CACNA2D3: variants seen among roughly 807,000 people sequenced by gnomAD.
The protein encoded by CACNA2D3 is calcium voltage-gated channel auxiliary subunit alpha2delta 3, also known as voltage-dependent calcium channel subunit alpha-2/delta-3.
In CACNA2D3, 60 loss-of-function variants were observed where a neutral mutation model predicts 160.6. The observed-to-expected ratio is 0.37, with a 90% CI of 0.30 to 0.46. The LOEUF is 0.46. Among genes scored for constraint, CACNA2D3 ranks in the 20% least tolerant of loss-of-function variants. The pLI is 1.00. For synonymous variants in CACNA2D3, 558 were observed against 492.9 expected, an observed-to-expected ratio of 1.13 and a Z score of -1.75; for missense variants, 1,205 against 1,365.0, an observed-to-expected ratio of 0.88 and a Z score of 1.85.
At chr3:54,835,090 A>G (rs1575502731) in intron 14 of CACNA2D3, among the ~76,000 whole-genome samples, 1 of 152,352 alleles carries the variant, frequency 6.6e-6, no homozygotes, top group Middle Eastern at 3.4e-3. Context: ...AAGTTGACAC[A>G]TAAAATTAAC....
At chr3:54,306,056 G>C (rs1432113031) in intron 2 of CACNA2D3, among the ~76,000 whole-genome samples, 1 of 150,994 alleles carries the variant, frequency 6.6e-6, no homozygotes, top group African/African-American at 2.5e-5. Context: ...TGAAAACTGA[G>C]TTTTAATATA....
chr3:54,295,302 T>C (rs571792904), intron 2 of CACNA2D3, among the ~76,000 whole-genome samples: 3 of 152,168 alleles, frequency 2.0e-5, no homozygotes, highest in Non-Finnish European at 2.9e-5. Flanking sequence ...GCTTTCCAGA[T>C]ACCATGAACT....
chr3:54,208,122 T>C (rs1467024652), intron 2 of CACNA2D3, among the ~76,000 whole-genome samples: 1 of 152,212 alleles, frequency 6.6e-6, no homozygotes, highest in East Asian at 1.9e-4. Flanking sequence ...CCTTTCTTTT[T>C]GAGATGGAGT....
intron 9 of CACNA2D3, among the ~76,000 whole-genome samples, chr3:54,627,165 A>G (rs1428481048): frequency 6.6e-6 from 1 of 152,240 alleles, no homozygotes; most frequent in Non-Finnish European, 1.5e-5. Context: ...ATGAAGACAG[A>G]GTAATGCCGT....
intron 11 of CACNA2D3, among the ~76,000 whole-genome samples, chr3:54,676,114 C>T (rs1040029646): frequency 1.3e-5 from 2 of 152,196 alleles, no homozygotes; most frequent in Non-Finnish European, 2.9e-5. Context: ...GTAACATCAA[C>T]CACGCACAGT....
chr3:54,983,419 G>C (rs1258518885), intron 29 of CACNA2D3, among the ~76,000 whole-genome samples: 2 of 152,182 alleles, frequency 1.3e-5, no homozygotes. Context: ...AATGGAGAAA[G>C]CTTATCAAGA....
At chr3:54,793,004 A>C (rs1261671026) in intron 13 of CACNA2D3, among the ~76,000 whole-genome samples, 1 of 152,228 alleles carries the variant, frequency 6.6e-6, no homozygotes, top group Non-Finnish European at 1.5e-5. Context: ...TATGAGCCTA[A>C]GCAAAACCTG....
At chr3:54,735,722 G>T (rs940639468) in intron 11 of CACNA2D3, among the ~76,000 whole-genome samples, 1 of 151,768 alleles carries the variant, frequency 6.6e-6, no homozygotes, top group Admixed American at 6.6e-5. Context: ...TGGGGATTGG[G>T]TCACCATTAT....
At chr3:54,338,562 C>G (rs981201043) in intron 3 of CACNA2D3, among the ~76,000 whole-genome samples, 2 of 149,386 alleles carry the variant, frequency 1.3e-5, no homozygotes, top group Non-Finnish European at 3.0e-5. Context: ...GAGAATGACA[C>G]CTGTCTTCAG....
chr3:55,045,773 T>C (rs1575450013), intron 35 of CACNA2D3, among the ~76,000 whole-genome samples: 1 of 150,666 alleles, frequency 6.6e-6, no homozygotes, highest in Non-Finnish European at 1.5e-5. Context: ...TTAGTTTATG[T>C]CTTTTCTCTT....
At chr3:54,350,903 T>A in intron 3 of CACNA2D3, among the ~76,000 whole-genome samples, 1 of 151,288 alleles carries the variant, frequency 6.6e-6, no homozygotes. Flanking sequence ...GGTAAGGGCA[T>A]ACAGAAGCTG....
At chr3:54,141,586 C>T (rs1016736149) in intron 2 of CACNA2D3, among the ~76,000 whole-genome samples, 6 of 152,126 alleles carry the variant, frequency 3.9e-5, no homozygotes, top group African/African-American at 1.4e-4. Context: ...AAAAAGTCCT[C>T]GAACTCAGCC....
intron 3 of CACNA2D3, among the ~76,000 whole-genome samples, chr3:54,356,784 T>C (rs1698656362): frequency 6.6e-6 from 1 of 152,186 alleles, no homozygotes; most frequent in African/African-American, 2.4e-5. Flanking sequence ...TTTTAAAAAT[T>C]TGCATTCCTC....
intron 25 of CACNA2D3, among the ~76,000 whole-genome samples, chr3:54,891,964 G>A (rs1700080512): frequency 5.9e-5 from 9 of 152,160 alleles, no homozygotes; most frequent in Admixed American, 5.9e-4. Context: ...GGATGCTGGG[G>A]TTTGACAGTG....
intron 2 of CACNA2D3, among the ~76,000 whole-genome samples, chr3:54,214,585 A>T (rs948244764): frequency 6.6e-6 from 1 of 152,078 alleles, no homozygotes; most frequent in East Asian, 1.9e-4. Flanking sequence ...TTTGCTGTAG[A>T]TTGCATGAGG....
intron 11 of CACNA2D3, among the ~76,000 whole-genome samples, chr3:54,716,881 G>A (rs1044099474): frequency 1.3e-5 from 2 of 149,200 alleles, no homozygotes; most frequent in Admixed American, 6.7e-5. Flanking sequence ...AAATGCATGT[G>A]ATAAGGGACG....
intron 35 of CACNA2D3, among the ~76,000 whole-genome samples, chr3:55,033,716 T>C (rs987460727): frequency 2.3e-5 from 3 of 127,910 alleles, no homozygotes; most frequent in Non-Finnish European, 4.8e-5. Flanking sequence ...ATAATATATA[T>C]TATATATTAA....
At chr3:54,575,706 C>T (rs544768069) in intron 8 of CACNA2D3, among the ~76,000 whole-genome samples, 21 of 152,166 alleles carry the variant, frequency 1.4e-4, no homozygotes, top group African/African-American at 3.9e-4. Context: ...GGTCATGTAT[C>T]GCCTGGGGCT....
chr3:54,452,895 C>G (rs937629921), intron 4 of CACNA2D3, among the ~76,000 whole-genome samples: 3 of 152,052 alleles, frequency 2.0e-5, no homozygotes, highest in Non-Finnish European at 4.4e-5. Flanking sequence ...TAATTTCTGC[C>G]TCCCTCTCCA....
Sources: gnomAD v4.1 joint callset for allele counts (sites outside exome capture counted in the v4.1 genomes callset) on GRCh38, gnomAD v4.1.1 for gene constraint, MANE v1.5 for transcripts, NCBI Gene and HGNC (gene_info 2026-07-23, HGNC 2026-07-21) for gene names.